The following PRICKLE1 variants were observed in gnomAD, a reference collection of about 807,000 sequenced individuals.
PRICKLE1 encodes the protein prickle planar cell polarity protein 1.
In PRICKLE1, 14 loss-of-function variants were observed where a neutral mutation model predicts 70.2. The ratio of observed to expected loss-of-function variants is 0.20; its 90% CI spans 0.13 to 0.31. PRICKLE1 has a LOEUF of 0.31. Ranked by LOEUF, PRICKLE1 falls within the 10% of genes least tolerant of loss-of-function variation. PRICKLE1 has a pLI of 1.00. For missense variants in PRICKLE1, 821 were observed against 1,026.2 expected (o/e 0.80, Z 2.73); for synonymous variants, 357 against 379.9 (o/e 0.94, Z 0.70).
chr12:42,586,483 G>C (rs539020280), intron 1 of PRICKLE1, among the ~76,000 whole-genome samples: 2 of 151,802 alleles, frequency 1.3e-5, no homozygotes, highest in African/African-American at 4.8e-5. Context: ...CCAGTAGCTG[G>C]GGCTATAGAG....
At chr12:42,471,609 T>C (rs993169048) in intron 2 of PRICKLE1, among the ~76,000 whole-genome samples, 1 of 152,142 alleles carries the variant, frequency 6.6e-6, no homozygotes, top group Non-Finnish European at 1.5e-5. Context: ...TAAATAAGGA[T>C]ACCCTATTCT....
At chr12:42,572,664 A>G (rs950617837) in intron 1 of PRICKLE1, among the ~76,000 whole-genome samples, 23 of 151,496 alleles carry the variant, frequency 1.5e-4, no homozygotes, top group African/African-American at 5.6e-4. Context: ...CTCTACAAAT[A>G]TATATATATA....
Position 42,576,350 on chromosome 12 carries a change from A to C in PRICKLE1, c.-49+13115T>G, listed in dbSNP as rs144485485. ...TTAAGGAGAGAGAACAACAGAAAACACTGTGAACTGCTCCTAAAGCATCTC... is the reference window on the plus strand; with the variant it reads ...TTAAGGAGAGAGAACAACAGAAAACCCTGTGAACTGCTCCTAAAGCATCTC... On this transcript the variant is annotated intron_variant, in intron 1 of 7. Transcript: ENST00000345127. Among the ~76,000 whole-genome samples, 20 of 152,340 alleles carry C rather than the reference A, an allele frequency of 1.3e-4. No homozygotes were observed. In the East Asian group the frequency reaches 3.9e-3, roughly 29 times the overall value.
chr12:42,469,844 T>A, intron 3 of PRICKLE1: 1 of 551,128 alleles, frequency 1.8e-6, no homozygotes, highest in Non-Finnish European at 3.2e-6. Flanking sequence ...AATTAAAAAA[T>A]ATATATAGGA....
intron 1 of PRICKLE1, among the ~76,000 whole-genome samples, chr12:42,536,419 C>T (rs1172345907): frequency 6.6e-6 from 1 of 152,170 alleles, no homozygotes; most frequent in Non-Finnish European, 1.5e-5. Context: ...GCTGATTTCT[C>T]CTTCCAACCA....
At chr12:42,485,480 G>T (rs1341017595) in intron 1 of PRICKLE1, 1 of 152,154 alleles carries the variant, frequency 6.6e-6, no homozygotes, top group Non-Finnish European at 1.5e-5. Flanking sequence ...AGACTTCAAA[G>T]GTTACCATTT....
intron 1 of PRICKLE1, among the ~76,000 whole-genome samples, chr12:42,551,759 G>A (rs1475584770): frequency 1.3e-5 from 2 of 152,176 alleles, no homozygotes; most frequent in Non-Finnish European, 2.9e-5. Flanking sequence ...TTGGCTGTCT[G>A]ATTTTCAATG....
At chr12:42,516,184 T>C (rs1226787364) in intron 1 of PRICKLE1, among the ~76,000 whole-genome samples, 1 of 151,988 alleles carries the variant, frequency 6.6e-6, no homozygotes, top group Non-Finnish European at 1.5e-5. Context: ...CAGGCTGGAG[T>C]GCAGTGGTGC....
chr12:42,514,627 A>G (rs1939571960), intron 1 of PRICKLE1, among the ~76,000 whole-genome samples: 1 of 152,188 alleles, frequency 6.6e-6, no homozygotes, highest in Admixed American at 6.5e-5. Context: ...GATCCTTATT[A>G]TCAAACAAAA....
At chr12:42,587,922 T>A (rs1941009112) in intron 1 of PRICKLE1, among the ~76,000 whole-genome samples, 2 of 152,242 alleles carry the variant, frequency 1.3e-5, no homozygotes, top group South Asian at 4.1e-4. Flanking sequence ...AATGTATCTA[T>A]CTTGCTGTCA....
chr12:42,567,055 T>C (rs910136914), intron 1 of PRICKLE1, among the ~76,000 whole-genome samples: 3 of 152,178 alleles, frequency 2.0e-5, no homozygotes, highest in African/African-American at 4.8e-5. Flanking sequence ...TCATGGGGGA[T>C]CAACATACCT....
intron 1 of PRICKLE1, among the ~76,000 whole-genome samples, chr12:42,536,260 TAAAG>T (rs889149245): frequency 2.0e-5 from 3 of 152,252 alleles, no homozygotes; most frequent in Non-Finnish European, 2.9e-5. Flanking sequence ...ATGAAGATGC[TAAAG>T]AAAGAAATTA....
At chr12:42,516,256 C>T (rs1417129901) in intron 1 of PRICKLE1, among the ~76,000 whole-genome samples, 8 of 152,026 alleles carry the variant, frequency 5.3e-5, no homozygotes, top group East Asian at 1.9e-4. Flanking sequence ...CTCAGCCTCC[C>T]GAGTAGCTGG....
At chr12:42,533,440 C>T (rs1939959851) in intron 1 of PRICKLE1, among the ~76,000 whole-genome samples, 1 of 152,168 alleles carries the variant, frequency 6.6e-6, no homozygotes, top group Non-Finnish European at 1.5e-5. Flanking sequence ...GAATAATTCA[C>T]TGCTGTGAAC....
Position 42,464,090 on chromosome 12 carries a change from G to A in PRICKLE1, c.1639+305C>T, listed in dbSNP as rs911455540. ...GTTGCCCAGGCTGGAGTGCAGTGGCGCAATCTTGGCTCACTACAACCTCTG... is the reference window on the plus strand; with the variant it reads ...GTTGCCCAGGCTGGAGTGCAGTGGCACAATCTTGGCTCACTACAACCTCTG... On this transcript the variant is annotated intron_variant, in intron 7 of 7. Coordinates refer to ENST00000345127, the MANE Select transcript of PRICKLE1 (RefSeq NM_153026.3). This position sits in a 1 kb window ranked among gnomAD's most constrained non-coding sequence, Gnocchi z 4.2. 7.3e-5 allele frequency among the ~76,000 whole-genome samples: 11 copies of A among 151,656 alleles called. No individual in the cohort carries two copies. The highest frequency in any genetic ancestry group is 2.1e-4 in the South Asian group (1 of 4,804).
At chr12:42,588,874 G>A (rs1176552345) in intron 1 of PRICKLE1, among the ~76,000 whole-genome samples, 1 of 152,176 alleles carries the variant, frequency 6.6e-6, no homozygotes, top group African/African-American at 2.4e-5. Context: ...AACATGCCTA[G>A]TTTCTTCAAC....
intron 7 of PRICKLE1, among the ~76,000 whole-genome samples, chr12:42,463,087 A>C (rs985801187): frequency 6.6e-6 from 1 of 150,688 alleles, no homozygotes; most frequent in African/African-American, 2.4e-5. Flanking sequence ...TTGGGAGGCC[A>C]AGGCAGGTGG....
intron 1 of PRICKLE1, among the ~76,000 whole-genome samples, chr12:42,473,091 A>G (rs1938388133): frequency 6.6e-6 from 1 of 152,222 alleles, no homozygotes; most frequent in Non-Finnish European, 1.5e-5. Flanking sequence ...CTTAGGTTTC[A>G]GATTTCTAAT....
At chr12:42,479,026 C>CAA (rs1333245015) in intron 1 of PRICKLE1, among the ~76,000 whole-genome samples, 3 of 152,306 alleles carry the variant, frequency 2.0e-5, no homozygotes, top group Non-Finnish European at 4.4e-5. Context: ...GACAAGTCAA[C>CAA]AAACATCTTG....
Sources: gnomAD v4.1 joint callset for allele counts (sites outside exome capture counted in the v4.1 genomes callset) on GRCh38, gnomAD v4.1.1 for gene constraint, Gnocchi (gnomAD v3.1) non-coding constraint, MANE v1.5 for transcripts, NCBI Gene and HGNC (gene_info 2026-07-23, HGNC 2026-07-21) for gene names.